Variants in SYK observed in about 807,000 individuals in gnomAD.
SYK encodes the protein spleen associated tyrosine kinase.
In SYK, 16 loss-of-function variants were observed where a neutral mutation model predicts 77.8. The observed-to-expected ratio is 0.21, with a 90% CI of 0.14 to 0.31. The LOEUF (loss-of-function observed/expected upper bound fraction) is 0.31, where lower values mean the gene tolerates loss of function less well. Among genes scored for constraint, SYK ranks in the 10% least tolerant of loss-of-function variants. SYK has a pLI of 1.00. For missense variants in SYK, 529 were observed against 814.4 expected, an observed-to-expected ratio of 0.65 and a Z score of 4.26; for synonymous variants, 312 against 308.7, an observed-to-expected ratio of 1.01 and a Z score of -0.11.
intron 1 of SYK, among the ~76,000 whole-genome samples, chr9:90,838,454 C>CA (rs1826168515): frequency 6.6e-6 from 1 of 152,106 alleles, no homozygotes; most frequent in Non-Finnish European, 1.5e-5. Flanking sequence ...TATTTCATGT[C>CA]AAAAAACATT....
At chr9:90,847,847 C>A (rs1182854410) in intron 3 of SYK, among the ~76,000 whole-genome samples, 2 of 152,250 alleles carry the variant, frequency 1.3e-5, no homozygotes, top group Non-Finnish European at 2.9e-5. Context: ...CTTCTCTCTT[C>A]AGTGCTCTTT....
chr9:90,843,136 A>T (rs1212181770), intron 1 of SYK, among the ~76,000 whole-genome samples: 1 of 152,022 alleles, frequency 6.6e-6, no homozygotes, highest in African/African-American at 2.4e-5. Context: ...TGGTCTGGAG[A>T]AGCGGGGAGA....
intron 1 of SYK, among the ~76,000 whole-genome samples, chr9:90,814,719 G>A (rs1005310211): frequency 6.6e-6 from 1 of 152,128 alleles, no homozygotes; most frequent in African/African-American, 2.4e-5. Context: ...ACTGATGAGG[G>A]CACCAGGAGT....
intron 3 of SYK, among the ~76,000 whole-genome samples, chr9:90,857,891 TC>T (rs1156856028): frequency 2.0e-5 from 3 of 152,110 alleles, no homozygotes; most frequent in African/African-American, 7.2e-5. Context: ...GCATCTTCCT[TC>T]CCCTTGTATG....
intron 1 of SYK, among the ~76,000 whole-genome samples, chr9:90,817,892 A>T (rs368770998): frequency 6.0e-5 from 8 of 134,042 alleles, no homozygotes; most frequent in East Asian, 2.8e-4. Context: ...TGAGAGAGAG[A>T]GAGAGAGAGA....
In SYK at chr9:90,832,489, A is replaced by T. The variant is rs146113331; in HGVS notation, c.-41-11369A>T. Among the ~76,000 whole-genome samples the T allele has an allele frequency of 7.1e-3, 1,074 of 152,298 alleles. 14 individuals carry two copies. Among genetic ancestry groups the T allele is most frequent in the African/African-American group, 0.025 (1,040 of 41,544 alleles). ...TCCTCTAACCATTTTCTACAGGTAA[A>T]CGTGGACATGAAAGAAGCCAGGGTG... On this transcript the variant is annotated intron_variant, in intron 1 of 13. Coordinates refer to ENST00000375754, the MANE Select transcript of SYK (RefSeq NM_003177.7).
At chr9:90,844,814 G>T (rs1267567295) in intron 2 of SYK, among the ~76,000 whole-genome samples, 4 of 152,224 alleles carry the variant, frequency 2.6e-5, no homozygotes, top group Admixed American at 2.6e-4. Flanking sequence ...TGCTGTTTAT[G>T]AATAAACGCT....
intron 7 of SYK, among the ~76,000 whole-genome samples, chr9:90,873,958 C>T (rs1827832030): frequency 1.3e-5 from 2 of 152,166 alleles, no homozygotes; most frequent in Non-Finnish European, 2.9e-5. Context: ...TCACCACACC[C>T]TCTGAACACC....
chr9:90,828,460 T>C (rs544286879), intron 1 of SYK, among the ~76,000 whole-genome samples: 1 of 151,832 alleles, frequency 6.6e-6, no homozygotes, highest in African/African-American at 2.4e-5. Context: ...CAGAGAAGAG[T>C]GAGTGATGAG....
In SYK at chr9:90,843,963, G is replaced by T. The variant is rs140421546; in HGVS notation, c.65G>T (p.Arg22Leu). The T allele has an allele frequency of 1.3e-6, 2 of 1,593,148 alleles. No individual in the cohort carries two copies. The highest frequency in any genetic ancestry group is 1.8e-5 in the Admixed American group (1 of 56,750). ...HLPFFFGNIT[R>L]EEAEDYLVQG... is the part of the protein sequence containing the mutation. ...CCCTTCTTTTTCGGCAACATCACCC[G>T]GGAGGAGGCAGAAGATTACCTGGTC... The change falls in exon 2 of 14, where the codon CGG becomes CTG. Residue 22 changes from arginine to leucine, a missense_variant. Physicochemically the swap from Arg to Leu is moderately radical, Grantham distance 102. This residue lies in a region of SYK where 321 missense variants were observed against 433.1 expected (regional missense o/e 0.74). Transcript: ENST00000375754.
At chr9:90,814,890 C>G (rs1375845979) in intron 1 of SYK, among the ~76,000 whole-genome samples, 1 of 151,806 alleles carries the variant, frequency 6.6e-6, no homozygotes, top group Non-Finnish European at 1.5e-5. Flanking sequence ...TCTCAGTCAC[C>G]CGGGAACTGA....
intron 11 of SYK, among the ~76,000 whole-genome samples, chr9:90,884,484 C>CATATATGTGT (rs1828367923): frequency 1.7e-5 from 1 of 58,488 alleles, no homozygotes; most frequent in Admixed American, 1.8e-4. Context: ...TACATACACA[C>CATATATGTGT]ACATACACAT....
chr9:90,822,051 G>T (rs1018550953), intron 1 of SYK, among the ~76,000 whole-genome samples: 4 of 151,822 alleles, frequency 2.6e-5, no homozygotes, highest in Non-Finnish European at 5.9e-5. Flanking sequence ...AGGCTCTCAG[G>T]CACATAACCC....
intron 9 of SYK, among the ~76,000 whole-genome samples, chr9:90,877,174 C>A (rs1052438766): frequency 6.6e-6 from 1 of 152,150 alleles, no homozygotes; most frequent in African/African-American, 2.4e-5. Context: ...CTCAGCCTCC[C>A]GAGCAGCTGG....
chr9:90,818,565 A>G (rs1825385165), intron 1 of SYK, among the ~76,000 whole-genome samples: 2 of 152,248 alleles, frequency 1.3e-5, no homozygotes, highest in South Asian at 4.1e-4. Context: ...GGAGCCCAGC[A>G]TCAGGCTCTG....
chr9:90,842,059 G>GATGT (rs1826381293), intron 1 of SYK, among the ~76,000 whole-genome samples: 1 of 136,944 alleles, frequency 7.3e-6, no homozygotes, highest in African/African-American at 2.5e-5. Context: ...TGGTGTGTGT[G>GATGT]ATGTGTGTAG....
At chr9:90,885,469 C>T (rs1015926640) in intron 11 of SYK, among the ~76,000 whole-genome samples, 1 of 151,994 alleles carries the variant, frequency 6.6e-6, no homozygotes, top group Non-Finnish European at 1.5e-5. Flanking sequence ...TTTGAAACAA[C>T]CTATTCAGAC....
At chr9:90,881,666 C>A in intron 11 of SYK, among the ~76,000 whole-genome samples, 1 of 49,748 alleles carries the variant, frequency 2.0e-5, no homozygotes, top group Non-Finnish European at 3.7e-5. Context: ...GCCAACAGAG[C>A]AAGACTCTGT....
Position 90,888,646 on chromosome 9 carries a change from CTG to C in SYK, c.1835+22_1835+23del. On this transcript the variant is annotated intron_variant, in intron 13 of 13. Transcript: ENST00000375754. ...CATACGAGTGAGTACCTGACACTGA[CTG>C]TGATGTATTCAGATGCTCTGGAAAC... The C allele has an allele frequency of 6.5e-7, 1 of 1,535,416 alleles. No homozygotes were observed. The highest frequency in any genetic ancestry group is 8.8e-7 in the Non-Finnish European group (1 of 1,130,560).
Sources: gnomAD v4.1 joint callset for allele counts (sites outside exome capture counted in the v4.1 genomes callset) on GRCh38, gnomAD v4.1.1 for gene constraint, gnomAD v4.1.1 regional missense constraint, MANE v1.5 for transcripts, NCBI Gene and HGNC (gene_info 2026-07-23, HGNC 2026-07-21) for gene names.